The following ADAMTS2 variants were observed in gnomAD, a reference collection of about 807,000 sequenced individuals.
ADAMTS2 encodes the protein ADAM metallopeptidase with thrombospondin type 1 motif 2.
Under a neutral mutation model 123.0 loss-of-function variants are expected in ADAMTS2, and 50 were observed. The ratio of observed to expected loss-of-function variants is 0.41; its 90% confidence interval spans 0.32 to 0.51. The LOEUF (loss-of-function observed/expected upper bound fraction) is 0.51, where lower values mean the gene tolerates loss of function less well. Among genes scored for constraint, ADAMTS2 ranks in the 20% least tolerant of loss-of-function variants. ADAMTS2 has a pLI of 0.35. For missense variants in ADAMTS2, 1,494 were observed against 1,705.2 expected (o/e 0.88, Z 2.18); for synonymous variants, 678 against 695.4 (o/e 0.98, Z 0.39).
Position 179,154,916 on chromosome 5 carries a change from T to C in ADAMTS2, c.1136A>G (p.Tyr379Cys), listed in dbSNP as rs1763439417. 6.2e-7 allele frequency: 1 copy of C among 1,612,914 alleles called. No homozygotes were observed. The highest frequency in any genetic ancestry group is 8.5e-7 in the Non-Finnish European group (1 of 1,179,732). Residue 379 changes from tyrosine (Y) to cysteine (C), a missense_variant, in exon 7 of 22, where the codon TAT becomes TGT. This residue lies in a region of ADAMTS2 where 47 missense variants were observed against 92.7 expected (regional missense o/e 0.51). Coordinates refer to ENST00000251582, the MANE Select transcript of ADAMTS2 (RefSeq NM_014244.5). ...ATGGCACATGCCGGTGACAGGAGCATAGCCTGGGAGGAGACAAGAGGCGGC... is the reference window on the plus strand; with the variant it reads ...ATGGCACATGCCGGTGACAGGAGCACAGCCTGGGAGGAGACAAGAGGCGGC... Reference protein sequence around the residue: ...QDFGPSGMQGYAPVTGMCHPV... With the variant: ...QDFGPSGMQGCAPVTGMCHPV...
At chr5:179,217,875 A>AGGG (rs1765036630) in intron 3 of ADAMTS2, among the ~76,000 whole-genome samples, 2 of 52,262 alleles carry the variant, frequency 3.8e-5, no homozygotes, top group African/African-American at 2.0e-4. Context: ...GCCTGAGGGC[A>AGGG]GACGGCACAC....
intron 2 of ADAMTS2, among the ~76,000 whole-genome samples, chr5:179,299,542 C>CACACACACACACACACAT (rs1278755937): frequency 7.4e-5 from 11 of 149,538 alleles, no homozygotes; most frequent in African/African-American, 2.7e-4. Flanking sequence ...CACACACACA[C>CACACACACACACACACAT]ACACACACAC....
rs141460296 is a variant in ADAMTS2, at chr5:179,118,727, C to A, written c.3178+2934G>T. Among the ~76,000 whole-genome samples the A allele has an allele frequency of 1.3e-5, 2 of 152,268 alleles. No homozygotes were observed. The highest frequency in any genetic ancestry group is 4.8e-5 in the African/African-American group (2 of 41,560). ...AGTCAATTTCAAAGTCACACTTTAA[C>A]TCATCAAATTCTAGAGAGAGACTCC... is the stretch of plus-strand genomic sequence containing the variant. On this transcript the variant is annotated intron_variant, in intron 21 of 21. Coordinates refer to ENST00000251582, the MANE Select transcript of ADAMTS2 (RefSeq NM_014244.5). The surrounding 1 kb of genome is among the most constrained non-coding windows in gnomAD (Gnocchi z 4.5).
intron 2 of ADAMTS2, among the ~76,000 whole-genome samples, chr5:179,294,635 C>T (rs1361699123): frequency 6.6e-6 from 1 of 152,214 alleles, no homozygotes; most frequent in Non-Finnish European, 1.5e-5. Context: ...CCCCCGCCCC[C>T]ACTGCAGCTT....
chr5:179,154,295 C>T (rs1353306542), intron 7 of ADAMTS2, 103 bp from the exon 8 acceptor site: 102 of 1,494,822 alleles, frequency 6.8e-5, no homozygotes, highest in South Asian at 1.2e-5. Flanking sequence ...CCCAACGGGC[C>T]TCCTGACCTT....
rs1764136798 is a variant in ADAMTS2 at position 179,185,024 on chromosome 5, A to G, written c.892-3869T>C. Among the ~76,000 whole-genome samples, 1 of 152,200 alleles carries G rather than the reference A, an allele frequency of 6.6e-6. No individual in the cohort carries two copies. Among genetic ancestry groups the G allele is most frequent in the African/African-American group, 2.4e-5 (1 of 41,454 alleles). On this transcript the variant is annotated intron_variant, in intron 4 of 21. Transcript: ENST00000251582. This position sits in a 1 kb window ranked among gnomAD's most constrained non-coding sequence, Gnocchi z 5.9. Reference sequence around the variant, plus strand: ...GCAAAGCAGGGATGGCGCTCCTGGCAGAGGAGGCAGCCCATGCAAACCTCC... The same window carrying G: ...GCAAAGCAGGGATGGCGCTCCTGGCGGAGGAGGCAGCCCATGCAAACCTCC...
At chr5:179,341,412 GAA>G (rs1296752236) in intron 2 of ADAMTS2, 3 of 341,172 alleles carry the variant, frequency 8.8e-6, no homozygotes, top group East Asian at 1.0e-4. Context: ...CAAGCGAAAA[GAA>G]AAGAGGCTGG....
chr5:179,153,907 G>T, intron 8 of ADAMTS2, 142 bp downstream of exon 8: 1 of 1,237,546 alleles, frequency 8.1e-7, no homozygotes. Context: ...TCTCACAGGT[G>T]TGCCCTCTCT....
intron 3 of ADAMTS2, among the ~76,000 whole-genome samples, chr5:179,226,506 A>C (rs148643820): frequency 6.6e-6 from 1 of 151,244 alleles, no homozygotes; most frequent in Non-Finnish European, 1.5e-5. Flanking sequence ...CAAACTCCTG[A>C]CCTCAGGTGA....
chr5:179,237,628 G>A (rs999838023), intron 3 of ADAMTS2, among the ~76,000 whole-genome samples: 1 of 152,154 alleles, frequency 6.6e-6, no homozygotes, highest in African/African-American at 2.4e-5. Context: ...ATGAGGCGAT[G>A]TGTGATTCTC....
chr5:179,296,376 G>T (rs974213624), intron 2 of ADAMTS2, among the ~76,000 whole-genome samples: 23 of 152,180 alleles, frequency 1.5e-4, no homozygotes, highest in African/African-American at 4.6e-4. Flanking sequence ...GGTGAGCAGG[G>T]AGCGGGAAGG....
intron 5 of ADAMTS2, among the ~76,000 whole-genome samples, chr5:179,161,827 T>TA (rs1163270689): frequency 6.6e-6 from 1 of 152,196 alleles, no homozygotes; most frequent in Non-Finnish European, 1.5e-5. Flanking sequence ...ACATGCCAAT[T>TA]AAAAATAACA....
At chr5:179,329,585 C>CAA (rs1044925222) in intron 2 of ADAMTS2, among the ~76,000 whole-genome samples, 15 of 152,046 alleles carry the variant, frequency 9.9e-5, no homozygotes, top group African/African-American at 3.1e-4. Flanking sequence ...AGGAAAAAAG[C>CAA]AAAACATATA....
At position 179,168,616 on chromosome 5, in the gene ADAMTS2, G is replaced by GTC. The variant is rs1187441165; in HGVS notation, c.976-9738_976-9737insGA. ...CTTTATGATTGTCGTCATTCCTGTT[G>GTC]TGTGCTGGGGTTTCACAGACCTCCT... On this transcript the variant is annotated intron_variant, in intron 5 of 21. Coordinates refer to ENST00000251582, the MANE Select transcript of ADAMTS2 (RefSeq NM_014244.5). Among the ~76,000 whole-genome samples the GTC allele has an allele frequency of 3.9e-5, 6 of 152,208 alleles. No homozygotes were observed. In the East Asian group the frequency reaches 1.2e-3, roughly 29 times the overall value.
intron 4 of ADAMTS2, among the ~76,000 whole-genome samples, chr5:179,196,614 C>A (rs1764438531): frequency 6.6e-6 from 1 of 152,248 alleles, no homozygotes; most frequent in Non-Finnish European, 1.5e-5. Flanking sequence ...GTCTGAGCAG[C>A]CCACTGTGCT....
chr5:179,232,741 T>A (rs1765438012), intron 3 of ADAMTS2, among the ~76,000 whole-genome samples: 1 of 152,068 alleles, frequency 6.6e-6, no homozygotes, highest in South Asian at 2.1e-4. Context: ...ACTGTGATGA[T>A]CATATTTTTG....
At position 179,135,398 on chromosome 5, in the gene ADAMTS2, C is replaced by T. The variant is rs73806911; in HGVS notation, c.2085+511G>A. ...GTCACCGTCACATGGCGAGGTGACA[C>T]GAGATTGTTTTTCCTGACAGCCAAA... On this transcript the variant is annotated intron_variant, in intron 13 of 21. Transcript: ENST00000251582. Among the ~76,000 whole-genome samples, 1,076 of 152,232 alleles carry T rather than the reference C, an allele frequency of 7.1e-3. 14 individuals are homozygous for T. The highest frequency in any genetic ancestry group is 0.025 in the African/African-American group (1,018 of 41,532).
chr5:179,143,723 G>A (rs558712746), intron 10 of ADAMTS2, among the ~76,000 whole-genome samples: 47 of 149,692 alleles, frequency 3.1e-4, no homozygotes, highest in South Asian at 8.4e-4. Flanking sequence ...TTAAGCACAC[G>A]AAAAGCAACG....
chr5:179,135,560 C>T (rs1250936087), intron 13 of ADAMTS2, among the ~76,000 whole-genome samples: 1 of 152,190 alleles, frequency 6.6e-6, no homozygotes, highest in Non-Finnish European at 1.5e-5. Context: ...AAGGATGGGG[C>T]CTGCTTCACA....
Sources: gnomAD v4.1 joint callset for allele counts (sites outside exome capture counted in the v4.1 genomes callset) on GRCh38, gnomAD v4.1.1 for gene constraint, gnomAD v4.1.1 regional missense constraint, Gnocchi (gnomAD v3.1) non-coding constraint, MANE v1.5 for transcripts, NCBI Gene and HGNC (gene_info 2026-07-23, HGNC 2026-07-21) for gene names.